The following TEK variants were observed in gnomAD, a reference collection of about 807,000 sequenced individuals.
TEK encodes the protein TEK receptor tyrosine kinase.
A neutral mutation model predicts 131.8 loss-of-function variants in TEK; 43 were observed. That is an observed-to-expected ratio of 0.33 (90% CI 0.26 to 0.42). The LOEUF (loss-of-function observed/expected upper bound fraction) is 0.42, where lower values mean the gene tolerates loss of function less well. TEK is among the 10% of genes least tolerant of loss of function. The pLI is 1.00. For missense variants in TEK, 1,162 were observed against 1,384.4 expected, an observed-to-expected ratio of 0.84 and a Z score of 2.55; for synonymous variants, 580 against 491.6, an observed-to-expected ratio of 1.18 and a Z score of -2.38.
At chr9:27,226,043 A>G (rs547892711) in intron 21 of TEK, among the ~76,000 whole-genome samples, 1 of 152,358 alleles carries the variant, frequency 6.6e-6, no homozygotes, top group African/African-American at 2.4e-5. Flanking sequence ...GCCATTTCAC[A>G]CCAGTTAGAA....
chr9:27,178,069 G>A (rs570091279), intron 6 of TEK, among the ~76,000 whole-genome samples: 1 of 152,088 alleles, frequency 6.6e-6, no homozygotes, highest in South Asian at 2.1e-4. Flanking sequence ...TTTCCCGTCT[G>A]TTTTCTTCTA....
chr9:27,183,543 C>T lies in TEK; in HGVS notation c.1115C>T (p.Ala372Val), dbSNP rs752991071. ...NSGKFNPICK[A>V]SGWPLPTNEE... ...GGTAAATTTAATCCCATTTGCAAAG[C>T]TTCTGGCTGGCCGCTACCTACTAAT... Residue 372 changes from alanine (A) to valine (V), a missense_variant, in exon 8 of 23, where the codon GCT (alanine) becomes GTT (valine). Ala to Val is a moderately conservative substitution (Grantham distance 64, BLOSUM62 0). Transcript: ENST00000380036. 6.2e-7 allele frequency: 1 copy of T among 1,613,910 alleles called. No individual in the cohort carries two copies. The highest frequency in any genetic ancestry group is 2.2e-5 in the East Asian group (1 of 44,888).
intron 2 of TEK, among the ~76,000 whole-genome samples, chr9:27,168,205 A>C (rs1330659471): frequency 6.6e-6 from 1 of 152,206 alleles, no homozygotes; most frequent in Non-Finnish European, 1.5e-5. Flanking sequence ...ACTAATCAAC[A>C]CAAAGTCCTC....
intron 1 of TEK, among the ~76,000 whole-genome samples, chr9:27,150,521 G>A (rs1159362867): frequency 6.6e-6 from 1 of 152,128 alleles, no homozygotes. Context: ...TGAGGTGGGA[G>A]GATAACTTGA....
intron 6 of TEK, among the ~76,000 whole-genome samples, chr9:27,177,364 T>G: frequency 6.6e-6 from 1 of 152,238 alleles, no homozygotes; most frequent in East Asian, 1.9e-4. Flanking sequence ...AGGCGTGATG[T>G]GATATCTCAT....
Position 27,109,377 on chromosome 9 carries a change from AAGGAAAC to A in TEK, c.-207_-201del. On this transcript the variant is annotated 5_prime_UTR_variant, in exon 1 of 23. It removes the in-frame stop codon of an upstream open reading frame in the 5' UTR. Transcript: ENST00000380036. ...ACAGCCTTTCCCATCCTAATCTACA[AAGGAAAC>A]AGGAAAAAGGAACTTAAAACTCCCT... is the stretch of plus-strand genomic sequence containing the variant. The A allele has an allele frequency of 1.6e-6, 1 of 635,378 alleles. No individual in the cohort carries two copies. Among genetic ancestry groups the A allele is most frequent in the Non-Finnish European group, 2.8e-6 (1 of 355,906 alleles). 39.4% of individuals were successfully genotyped at this position (635,378 alleles called of 1,614,324 possible). A position where few individuals can be genotyped will look rare whatever the true frequency, so the allele number is the denominator to read the frequency against.
chr9:27,215,617 CA>C lies in TEK; in HGVS notation c.2991+2023del, dbSNP rs577354608. ...GATTTTAATACTGGAAGTATTACTG[CA>C]AACTACTATACTAAGCAATTTGGGG... On this transcript the variant is annotated intron_variant, in intron 18 of 22. Transcript: ENST00000380036. Among the ~76,000 whole-genome samples, 187 of 149,300 alleles carry C rather than the reference CA, an allele frequency of 1.3e-3. 6 individuals are homozygous for C. In the South Asian group the frequency reaches 0.038, roughly 30 times the overall value.
At chr9:27,167,222 C>CTTATT (rs201897025) in intron 2 of TEK, among the ~76,000 whole-genome samples, 3,829 of 147,832 alleles carry the variant, frequency 0.026, 83 homozygotes, top group Non-Finnish European at 0.042. Context: ...AATCAATTGG[C>CTTATT]TTATTTTATT....
intron 1 of TEK, among the ~76,000 whole-genome samples, chr9:27,110,990 G>A (rs185140961): frequency 6.6e-6 from 1 of 151,906 alleles, no homozygotes; most frequent in African/African-American, 2.4e-5. Flanking sequence ...AGGGATTATA[G>A]TGATGTGAAG....
At chr9:27,176,874 C>T (rs552460069) in intron 6 of TEK, among the ~76,000 whole-genome samples, 3 of 152,354 alleles carry the variant, frequency 2.0e-5, no homozygotes, top group Non-Finnish European at 2.9e-5. Flanking sequence ...CTGGGAACCA[C>T]TATGCTACTC....
intron 12 of TEK, among the ~76,000 whole-genome samples, chr9:27,197,829 G>A (rs932694508): frequency 9.2e-5 from 14 of 152,192 alleles, no homozygotes; most frequent in African/African-American, 3.4e-4. Context: ...TTCCCTTGGT[G>A]TGCAGTTGTT....
Position 27,206,185 on chromosome 9 carries a change from G to A in TEK, c.2365-397G>A, listed in dbSNP as rs376958280. Among the ~76,000 whole-genome samples, 13 of 152,182 alleles carry A rather than the reference G, an allele frequency of 8.5e-5. No homozygotes were observed. In the East Asian group the frequency reaches 9.6e-4, roughly 11 times the overall value. On this transcript the variant is annotated intron_variant, in intron 14 of 22. Coordinates refer to ENST00000380036, the MANE Select transcript of TEK (RefSeq NM_000459.5). ...ATGCTAAGAAAGCTCTCACTGAGGC[G>A]CATCCTGTGGCTGCCCCACATAGGC...
At chr9:27,115,360 A>C (rs374944025) in intron 1 of TEK, among the ~76,000 whole-genome samples, 1 of 152,028 alleles carries the variant, frequency 6.6e-6, no homozygotes, top group South Asian at 2.1e-4. Context: ...TTAGCCTGGC[A>C]TGGTGGCACG....
At chr9:27,157,017 G>T (rs1823357024) in intron 1 of TEK, among the ~76,000 whole-genome samples, 1 of 152,158 alleles carries the variant, frequency 6.6e-6, no homozygotes, top group Admixed American at 6.5e-5. Context: ...GAAAGAAAGA[G>T]AAATAGTGAG....
chr9:27,123,327 G>A (rs537241269), intron 1 of TEK, among the ~76,000 whole-genome samples: 76 of 152,174 alleles, frequency 5.0e-4, no homozygotes, highest in African/African-American at 1.6e-3. Flanking sequence ...TCTCTCTGCC[G>A]TCATAGGCTC....
intron 1 of TEK, among the ~76,000 whole-genome samples, chr9:27,145,114 A>T (rs1350215344): frequency 4.6e-5 from 7 of 152,290 alleles, no homozygotes; most frequent in Non-Finnish European, 1.0e-4. Flanking sequence ...AAGACCCAAG[A>T]AGCAACTTCT....
chr9:27,174,050 C>T (rs190329983), intron 6 of TEK, among the ~76,000 whole-genome samples: 28 of 152,142 alleles, frequency 1.8e-4, no homozygotes, highest in African/African-American at 6.5e-4. Context: ...CTAACATCAT[C>T]TACTCAGAGT....
At chr9:27,204,589 T>C (rs1242446843) in intron 13 of TEK, among the ~76,000 whole-genome samples, 2 of 152,240 alleles carry the variant, frequency 1.3e-5, no homozygotes, top group African/African-American at 2.4e-5. Flanking sequence ...ATTCTCCCTA[T>C]TATTCAACAT....
At chr9:27,200,340 C>T (rs1333061978) in intron 12 of TEK, among the ~76,000 whole-genome samples, 1 of 152,202 alleles carries the variant, frequency 6.6e-6, no homozygotes, top group Non-Finnish European at 1.5e-5. Context: ...TAAGTTTCAT[C>T]CTCATTAGAA....
Sources: allele counts gnomAD v4.1 joint callset (sites outside exome capture counted in the v4.1 genomes callset), GRCh38; gene constraint gnomAD v4.1.1; transcripts MANE v1.5; gene names NCBI Gene and HGNC (gene_info 2026-07-23, HGNC 2026-07-21).